U2AF2: variants seen among roughly 807,000 people sequenced by gnomAD.
U2AF2 encodes the protein splicing factor U2AF 65 kDa subunit.
U2AF2 carries 6 observed loss-of-function variants against 52.6 expected under a neutral mutation model. The ratio of observed to expected loss-of-function variants is 0.11; its 90% CI spans 0.06 to 0.23. The LOEUF is 0.23. Ranked by LOEUF, U2AF2 falls within the 10% of genes least tolerant of loss-of-function variation. The pLI is 1.00. For missense variants in U2AF2, 222 were observed against 677.1 expected (o/e 0.33, Z 7.46); for synonymous variants, 284 against 258.2 (o/e 1.10, Z -0.96).
At position 55,668,264 on chromosome 19, in the gene U2AF2, C is replaced by G. The variant is rs1414313388; in HGVS notation, c.743-243C>G. Among the ~76,000 whole-genome samples, 1 of 152,088 alleles carries G rather than the reference C, an allele frequency of 6.6e-6. No homozygotes were observed. The highest frequency in any genetic ancestry group is 2.4e-5 in the African/African-American group (1 of 41,394). Reference sequence around the variant, plus strand: ...CTGGAGGATGTTCTAGTTTGAGGTTCCCCTGAGGCTGGGCAGATTTGGGAG... The same window carrying G: ...CTGGAGGATGTTCTAGTTTGAGGTTGCCCTGAGGCTGGGCAGATTTGGGAG... On this transcript the variant is annotated intron_variant, in intron 7 of 11. Transcript: ENST00000308924. The surrounding 1 kb of genome is among the most constrained non-coding windows in gnomAD (Gnocchi z 5.5).
chr19:55,658,445 G>A (rs1983938847), intron 1 of U2AF2, among the ~76,000 whole-genome samples: 1 of 152,122 alleles, frequency 6.6e-6, no homozygotes, highest in East Asian at 1.9e-4. Flanking sequence ...GAGGGTTGAG[G>A]GAGCCTGCTG....
intron 11 of U2AF2, chr19:55,671,420 C>T (rs1441555876): frequency 6.6e-6 from 1 of 151,492 alleles, no homozygotes; most frequent in Admixed American, 6.6e-5. Flanking sequence ...AGCTAGCTGG[C>T]TTTGCGGTTT....
intron 1 of U2AF2, among the ~76,000 whole-genome samples, chr19:55,656,491 A>G (rs1468389207): frequency 2.0e-5 from 3 of 151,040 alleles, no homozygotes; most frequent in Non-Finnish European, 4.4e-5. Flanking sequence ...TAATACGTTT[A>G]TATATTTTTT....
chr19:55,659,928 G>A (rs889668228), intron 2 of U2AF2, among the ~76,000 whole-genome samples: 5 of 152,266 alleles, frequency 3.3e-5, no homozygotes, highest in Admixed American at 2.0e-4. Flanking sequence ...GCCTCCTCCC[G>A]GCTCAGTTTC....
Position 55,662,480 on chromosome 19 carries a change from TTG to T in U2AF2, c.487-20_487-19del. 3.4e-6 allele frequency: 1 copy of T among 291,912 alleles called. No homozygotes were observed. The highest frequency in any genetic ancestry group is 6.3e-6 in the Non-Finnish European group (1 of 159,696). The allele number at this position is 291,912 out of a possible 1,614,324, so 18.1% of individuals were successfully genotyped here. ...CACCTCCCTTCCCCCGCCCCCCCCC[TTG>T]TCTCCTATTCCCTCTGCAGGAGGCC... On this transcript the variant is annotated intron_variant, in intron 5 of 11. Transcript: ENST00000308924.
chr19:55,660,724 G>T (rs182534571), intron 4 of U2AF2, 105 bp downstream of exon 4: 77 of 1,149,238 alleles, frequency 6.7e-5, no homozygotes, highest in Admixed American at 1.4e-4. Flanking sequence ...AAAGACACAG[G>T]TAGAGGGTTG....
At chr19:55,666,321 A>G (rs771897006) in intron 7 of U2AF2, among the ~76,000 whole-genome samples, 14 of 152,202 alleles carry the variant, frequency 9.2e-5, no homozygotes, top group Non-Finnish European at 1.8e-4. Flanking sequence ...TGCTTTGTAG[A>G]TGCAGCCGCT....
intron 1 of U2AF2, 196 bp from the exon 2 acceptor site, chr19:55,659,014 C>T (rs1983977829): frequency 2.6e-5 from 22 of 830,670 alleles, no homozygotes; most frequent in Middle Eastern, 4.0e-4. Context: ...TTCCAGGCCC[C>T]GTCCCCCTGG....
intron 5 of U2AF2, chr19:55,661,402 C>T: frequency 2.0e-6 from 1 of 510,878 alleles, no homozygotes; most frequent in Non-Finnish European, 3.4e-6. Flanking sequence ...CGTCTCCCCT[C>T]CCCCCAACCT....
intron 7 of U2AF2, among the ~76,000 whole-genome samples, chr19:55,665,822 T>C (rs1001575274): frequency 5.3e-5 from 8 of 152,198 alleles, no homozygotes; most frequent in Non-Finnish European, 8.8e-5. Flanking sequence ...TAATTTTTTG[T>C]GTTTTTAGTA....
intron 7 of U2AF2, among the ~76,000 whole-genome samples, chr19:55,665,070 G>A (rs979197471): frequency 3.9e-5 from 6 of 152,200 alleles, no homozygotes; most frequent in Admixed American, 2.0e-4. Context: ...TTTGGAGCCT[G>A]TAATATATGT....
At chr19:55,656,717 A>G (rs1472765525) in intron 1 of U2AF2, among the ~76,000 whole-genome samples, 2 of 152,264 alleles carry the variant, frequency 1.3e-5, no homozygotes, top group Admixed American at 6.5e-5. Flanking sequence ...AGGGCTCAGA[A>G]AAGTTAAAAA....
In U2AF2 at chr19:55,674,129, C is replaced by A. The variant is rs910821394; in HGVS notation, c.*61C>A. On this transcript the variant is annotated 3_prime_UTR_variant, in exon 12 of 12. Transcript: ENST00000308924. Reference sequence around the variant, plus strand: ...GGGGCTTCTCCCCACTCCCGCCCCCCCCTTATCCCCCTCTGAAGACGATGG... The same window carrying A: ...GGGGCTTCTCCCCACTCCCGCCCCCACCTTATCCCCCTCTGAAGACGATGG... 7 of 1,505,614 alleles carry A rather than the reference C, an allele frequency of 4.6e-6. No individual in the cohort carries two copies. Among genetic ancestry groups the A allele is most frequent in the Non-Finnish European group, 6.2e-6 (7 of 1,129,432 alleles). 93.3% of individuals were successfully genotyped at this position (1,505,614 alleles called of 1,614,324 possible).
chr19:55,655,113 C>G lies in U2AF2; in HGVS notation c.9C>G (p.Asp3Glu), dbSNP rs1281000129. The G allele has an allele frequency of 1.9e-6, 3 of 1,606,146 alleles. No homozygotes were observed. Among genetic ancestry groups the G allele is most frequent in the Admixed American group, 1.7e-5 (1 of 59,756 alleles). The change falls in exon 1 of 12, where the codon GAC (aspartate) becomes GAG (glutamate). Residue 3 changes from aspartate (D) to glutamate (E), a missense_variant. Physicochemically the swap from Asp to Glu is conservative, Grantham distance 45 (BLOSUM62 2). Coordinates refer to ENST00000308924, the MANE Select transcript of U2AF2 (RefSeq NM_007279.3). MS[D>E]FDEFERQLNE... ...TACGCGGCCGCCTCAGCATGTCGGA[C>G]TTCGACGAGTTCGAGCGGCAGCTCA... is the stretch of plus-strand genomic sequence containing the variant.
intron 1 of U2AF2, among the ~76,000 whole-genome samples, chr19:55,655,416 T>C (rs1983719425): frequency 6.6e-6 from 1 of 152,132 alleles, no homozygotes; most frequent in Admixed American, 6.5e-5. Context: ...CTGGCGGAGG[T>C]GGCGCGGGGG....
intron 2 of U2AF2, 97 bp downstream of exon 2, chr19:55,659,442 G>C (rs1018131887): frequency 4.5e-6 from 6 of 1,340,246 alleles, no homozygotes; most frequent in Non-Finnish European, 4.8e-6. Context: ...GTCTGGGTCC[G>C]GGCCCTGTGT....
chr19:55,672,590 CT>C (rs1984989629), intron 11 of U2AF2, among the ~76,000 whole-genome samples: 1 of 152,140 alleles, frequency 6.6e-6, no homozygotes, highest in African/African-American at 2.4e-5. Context: ...GACACCCCCC[CT>C]CCTCCAGTTG....
At chr19:55,663,766 G>A in intron 7 of U2AF2, 22 bp downstream of exon 7, 1 of 1,613,650 alleles carries the variant, frequency 6.2e-7, no homozygotes, top group Non-Finnish European at 8.5e-7. Context: ...ATCCATTAAG[G>A]GCCCCTTTCT....
At chr19:55,669,293 C>T (rs926220089) in intron 10 of U2AF2, 112 bp downstream of exon 10, 4 of 1,550,366 alleles carry the variant, frequency 2.6e-6, no homozygotes, top group Non-Finnish European at 3.5e-6. Flanking sequence ...ATTTGGGGGG[C>T]ATTCAGTGCA....
Sources: gnomAD v4.1 joint callset for allele counts (sites outside exome capture counted in the v4.1 genomes callset) on GRCh38, gnomAD v4.1.1 for gene constraint, Gnocchi (gnomAD v3.1) non-coding constraint, MANE v1.5 for transcripts, NCBI Gene and HGNC (gene_info 2026-07-23, HGNC 2026-07-21) for gene names.